The following CCNL2 variants were observed in gnomAD, a reference collection of about 807,000 sequenced individuals.
The protein encoded by CCNL2 is cyclin L2, also known as cyclin-L2.
Under a neutral mutation model 59.1 loss-of-function variants are expected in CCNL2, and 28 were observed. The observed-to-expected ratio is 0.47, with a 90% CI of 0.35 to 0.65. CCNL2 has a LOEUF of 0.65. Among genes scored for constraint, CCNL2 ranks in the 30% least tolerant of loss-of-function variants. CCNL2 has a pLI of 0.00. For missense variants in CCNL2, 714 were observed against 717.4 expected (o/e 1.00, Z 0.05); for synonymous variants, 342 against 288.6 (o/e 1.19, Z -1.88).
intron 2 of CCNL2, 91 bp from the exon 3 acceptor site, chr1:1,398,433 A>G (rs1364135664): frequency 6.3e-7 from 1 of 1,589,256 alleles, no homozygotes; most frequent in African/African-American, 1.4e-5. Context: ...TCAGACCAAA[A>G]GGGAGGTGCA....
Position 1,390,255 on chromosome 1 carries a change from C to T in CCNL2, c.981G>A (p.Ser327=), listed in dbSNP as rs367995434. ...CCAGCTTGGGGGCAGGAGAGAACCCCGAGGTACCATCCAGCACCTGTGTGC... is the reference window on the plus strand; with the variant it reads ...CCAGCTTGGGGGCAGGAGAGAACCCTGAGGTACCATCCAGCACCTGTGTGC... ...PGGTQVLDGT[S]GFSPAPKLVE... The change falls in exon 8 of 11, where the codon TCG becomes TCA. Residue 327 remains serine (S), a synonymous_variant. Transcript: ENST00000400809. 5.1e-5 allele frequency: 83 copies of T among 1,611,870 alleles called. 1 individual carries two copies. The African/African-American group carries it at 6.3e-4, about 12-fold the overall frequency.
chr1:1,399,219 A>C lies in CCNL2; in HGVS notation c.88T>G (p.Ser30Ala), dbSNP rs756236566. Reference sequence around the variant, plus strand: ...CCGATCAGCACCCCCTGCGACCCTGAGGGTGCGCCCCCAGATCCCGGGGCG... The same window carrying C: ...CCGATCAGCACCCCCTGCGACCCTGCGGGTGCGCCCCCAGATCCCGGGGCG... Reference protein sequence around the residue: ...AGAPGSGGAPSGSQGVLIGDR... With the variant: ...AGAPGSGGAPAGSQGVLIGDR... The change falls in exon 1 of 11, where the codon TCA becomes GCA. Residue 30 changes from serine to alanine, a missense_variant. By Grantham distance (99) the Ser-to-Ala change is moderately conservative. Around this residue, in one of 5 missense-constraint regions of CCNL2, gnomAD observed 270 missense variants for 254.9 expected, o/e 1.06. Transcript: ENST00000400809. 5 of 1,601,858 alleles carry C rather than the reference A, an allele frequency of 3.1e-6. No homozygotes were observed. Among genetic ancestry groups the C allele is most frequent in the East Asian group, 2.3e-5 (1 of 43,390 alleles).
Position 1,399,086 on chromosome 1 carries a change from T to G in CCNL2, c.221A>C (p.Glu74Ala), listed in dbSNP as rs1198684022. Residue 74 changes from glutamate to alanine, a missense_variant, in exon 1 of 11, where the codon GAG (glutamate) becomes GCG (alanine). Coordinates refer to ENST00000400809, the MANE Select transcript of CCNL2 (RefSeq NM_030937.6). ...SMSSGLDTDT[E>A]TDLRVVGCEL... ...GCAGCCCACCACGCGGAGGTCGGTCTCTGTGTCGGTGTCGAGGCCGCTCGA... is the reference window on the plus strand; with the variant it reads ...GCAGCCCACCACGCGGAGGTCGGTCGCTGTGTCGGTGTCGAGGCCGCTCGA... 1 of 1,611,518 alleles carries G rather than the reference T, an allele frequency of 6.2e-7. No homozygotes were observed. Among genetic ancestry groups the G allele is most frequent in the Non-Finnish European group, 8.5e-7 (1 of 1,179,334 alleles).
chr1:1,398,410 G>C, intron 2 of CCNL2, 68 bp from the exon 3 acceptor site: 3 of 1,609,290 alleles, frequency 1.9e-6, no homozygotes, highest in Non-Finnish European at 2.5e-6. Context: ...GCCGCCAAAG[G>C]CTTGAGGGCT....
chr1:1,398,204 G>A (rs1645154487), intron 3 of CCNL2, 29 bp downstream of exon 3: 4 of 1,605,670 alleles, frequency 2.5e-6, no homozygotes, highest in South Asian at 1.1e-5. Context: ...AGGCATCTAT[G>A]ATAGACTAGA....
At chr1:1,396,891 G>A (rs1419548053) in intron 3 of CCNL2, among the ~76,000 whole-genome samples, 1 of 152,094 alleles carries the variant, frequency 6.6e-6, no homozygotes. Context: ...TGGGACCACA[G>A]GCACCCGCCA....
Position 1,399,310 on chromosome 1 carries a change from G to C in CCNL2, c.-4C>G. On this transcript the variant is annotated 5_prime_UTR_variant, in exon 1 of 11. Transcript: ENST00000400809. ...CCGCCGCCGCCGCCGCCGCCATTTTGTGCCGCCGACTCCCCTTCGGCTTCT... is the reference window on the plus strand; with the variant it reads ...CCGCCGCCGCCGCCGCCGCCATTTTCTGCCGCCGACTCCCCTTCGGCTTCT... The C allele has an allele frequency of 6.9e-7, 1 of 1,444,734 alleles. No homozygotes were observed. Among genetic ancestry groups the C allele is most frequent in the African/African-American group, 1.5e-5 (1 of 66,708 alleles). The allele number at this position is 1,444,734 out of a possible 1,614,324, so 89.5% of individuals were successfully genotyped here.
chr1:1,393,514 C>G, intron 4 of CCNL2, 54 bp from the exon 5 acceptor site: 1 of 1,499,774 alleles, frequency 6.7e-7, no homozygotes, highest in Non-Finnish European at 9.3e-7. Flanking sequence ...GCCCAGAATT[C>G]AGATCTTGTG....
intron 8 of CCNL2, 99 bp from the exon 9 acceptor site, chr1:1,388,164 G>T (rs1436251427): frequency 6.7e-6 from 6 of 899,130 alleles, no homozygotes; most frequent in African/African-American, 1.6e-5. Context: ...AGGTCAAACA[G>T]CGACGCAAGC....
rs1199029187 is a variant in CCNL2 at position 1,385,994 on chromosome 1, T to G, written c.*1237A>C. The G allele has an allele frequency of 6.6e-6, 1 of 152,220 alleles. No individual in the cohort carries two copies. Among genetic ancestry groups the G allele is most frequent in the African/African-American group, 2.4e-5 (1 of 41,444 alleles). The allele number at this position is 152,220 out of a possible 1,614,324, so 9.4% of individuals were successfully genotyped here. A position where few individuals can be genotyped will look rare whatever the true frequency, so the allele number is the denominator to read the frequency against. Reference sequence around the variant, plus strand: ...CAGGCGTAACTCCCCGTTATCCCACTAGCCCCGGCCTATATGTCCCACTGC... The same window carrying G: ...CAGGCGTAACTCCCCGTTATCCCACGAGCCCCGGCCTATATGTCCCACTGC... On this transcript the variant is annotated 3_prime_UTR_variant, in exon 11 of 11. Coordinates refer to ENST00000400809, the MANE Select transcript of CCNL2 (RefSeq NM_030937.6).
intron 8 of CCNL2, chr1:1,388,519 A>T (rs1483394234): frequency 2.2e-6 from 1 of 454,100 alleles, no homozygotes; most frequent in East Asian, 6.9e-5. Flanking sequence ...CTCTGTCTCA[A>T]GAAAAACAAA....
Position 1,390,921 on chromosome 1 carries a change from C to T in CCNL2, c.660-56G>A, listed in dbSNP as rs564518593. On this transcript the variant is annotated intron_variant, in intron 5 of 10. Coordinates refer to ENST00000400809, the MANE Select transcript of CCNL2 (RefSeq NM_030937.6). ...GCCCCACCCGGGAACCCAGGTCTTC[C>T]GCCTGCATTATCTAGAGAAAATCTA... is the stretch of plus-strand genomic sequence containing the variant. 9.4e-4 allele frequency: 1,314 copies of T among 1,402,688 alleles called. 4 individuals are homozygous for T. Among genetic ancestry groups the T allele is most frequent in the African/African-American group, 6.4e-3 (450 of 70,732 alleles). The allele number at this position is 1,402,688 out of a possible 1,614,324, so 86.9% of individuals were successfully genotyped here. A position where few individuals can be genotyped will look rare whatever the true frequency, so the allele number is the denominator to read the frequency against.
At chr1:1,387,732 C>G in intron 10 of CCNL2, 45 bp downstream of exon 10, 1 of 1,530,946 alleles carries the variant, frequency 6.5e-7, no homozygotes, top group African/African-American at 1.4e-5. Flanking sequence ...CGAGGGACAG[C>G]CCCACCCCGG....
intron 5 of CCNL2, chr1:1,392,732 T>G: frequency 6.2e-7 from 1 of 1,600,818 alleles, no homozygotes; most frequent in African/African-American, 1.3e-5. Context: ...TGGCTGAAGA[T>G]GCCGCTGTCC....
chr1:1,399,067 C>T lies in CCNL2; in HGVS notation c.240G>A (p.Val80=). ...CGGCCGCCTGGATGAGCTCGCAGCCCACCACGCGGAGGTCGGTCTCTGTGT... is the reference window on the plus strand; with the variant it reads ...CGGCCGCCTGGATGAGCTCGCAGCCTACCACGCGGAGGTCGGTCTCTGTGT... ...DTDTETDLRV[V]GCELIQAAGI... Residue 80 remains valine (V), a synonymous_variant, in exon 1 of 11, where the codon GTG becomes GTA. Coordinates refer to ENST00000400809, the MANE Select transcript of CCNL2 (RefSeq NM_030937.6). 2.5e-6 allele frequency: 4 copies of T among 1,610,738 alleles called. No individual in the cohort carries two copies. The highest frequency in any genetic ancestry group is 3.3e-4 in the Middle Eastern group (2 of 6,056).
intron 8 of CCNL2, chr1:1,388,832 T>C (rs1482512945): frequency 5.2e-6 from 2 of 384,384 alleles, no homozygotes; most frequent in African/African-American, 4.3e-5. Context: ...TCCCAGCACT[T>C]TGGGAGGCCA....
chr1:1,390,770 A>G lies in CCNL2; in HGVS notation c.755T>C (p.Leu252Pro). 1.2e-6 allele frequency: 2 copies of G among 1,613,930 alleles called. No individual in the cohort carries two copies. The highest frequency in any genetic ancestry group is 1.7e-6 in the Non-Finnish European group (2 of 1,179,822). ...CACIYLAART[L>P]EIPLPNRPHW... The stretch of plus-strand genomic sequence containing the variant: ...CCATAGTAGCAACACACTGACCTCC[A>G]GCGTCCGGGCAGCAAGATAAATGCA... Residue 252 changes from leucine to proline, a missense_variant, in exon 6 of 11, where the codon CTG becomes CCG. Coordinates refer to ENST00000400809, the MANE Select transcript of CCNL2 (RefSeq NM_030937.6).
chr1:1,392,430 A>C, intron 5 of CCNL2: 2 of 1,154,214 alleles, frequency 1.7e-6, no homozygotes, highest in Non-Finnish European at 2.1e-6. Flanking sequence ...AGAAATCATG[A>C]CATAACCCCA....
At position 1,399,171 on chromosome 1, in the gene CCNL2, G is replaced by C; in HGVS notation, c.136C>G (p.Leu46Val). Residue 46 changes from leucine (L) to valine (V), a missense_variant, in exon 1 of 11, where the codon CTC becomes GTC. Leu to Val is a conservative substitution (Grantham distance 32). This residue lies in a region of CCNL2 where 270 missense variants were observed against 254.9 expected (regional missense o/e 1.06). Transcript: ENST00000400809. ...AGGAGGCAGTTCTCCAAGGTGATGA[G>C]CACCCCGGAGTACAGCCTGTCCCCG... ...LIGDRLYSGV[L>V]ITLENCLLPD... 1 of 1,611,682 alleles carries C rather than the reference G, an allele frequency of 6.2e-7. No individual in the cohort carries two copies. The highest frequency in any genetic ancestry group is 8.5e-7 in the Non-Finnish European group (1 of 1,179,298).
Sources: allele counts gnomAD v4.1 joint callset (sites outside exome capture counted in the v4.1 genomes callset), GRCh38; gene constraint gnomAD v4.1.1; regional missense constraint gnomAD v4.1.1; transcripts MANE v1.5; gene names NCBI Gene and HGNC (gene_info 2026-07-23, HGNC 2026-07-21).